HDAC11: variants seen among roughly 807,000 people sequenced by gnomAD.
HDAC11 encodes the protein histone deacetylase 11.
HDAC11 carries 23 observed loss-of-function variants against 41.1 expected under a neutral mutation model. The ratio of observed to expected loss-of-function variants is 0.56; its 90% CI spans 0.40 to 0.79. The LOEUF (loss-of-function observed/expected upper bound fraction) is 0.79, where lower values mean the gene tolerates loss of function less well. HDAC11 is among the 30% of genes least tolerant of loss of function. HDAC11 has a pLI of 0.00. For missense variants in HDAC11, 402 were observed against 477.3 expected (o/e 0.84, Z 1.47); for synonymous variants, 187 against 186.6 (o/e 1.00, Z -0.02).
chr3:13,502,991 G>T lies in HDAC11; in HGVS notation c.649+11G>T, dbSNP rs368614254. ...ACCGCTTTGCCAAGCGTAAGCTGCT[G>T]CCCCTACCCTCATCTTGGGTGTGTC... is the stretch of plus-strand genomic sequence containing the variant. On this transcript the variant is annotated intron_variant, in intron 8 of 9. Transcript: ENST00000295757. This position sits in a 1 kb window ranked among gnomAD's most constrained non-coding sequence, Gnocchi z 4.1. The T allele has an allele frequency of 1.1e-5, 18 of 1,601,782 alleles. No homozygotes were observed. The African/African-American group carries it at 2.3e-4, about 20-fold the overall frequency.
intron 5 of HDAC11, among the ~76,000 whole-genome samples, chr3:13,500,497 G>A (rs1379239524): frequency 6.6e-6 from 1 of 152,174 alleles, no homozygotes; most frequent in African/African-American, 2.4e-5. Context: ...GTGGCACTGA[G>A]GACTTGCTGG....
At chr3:13,486,571 G>GTTTTTTTT (rs767002835) in intron 3 of HDAC11, among the ~76,000 whole-genome samples, 2 of 83,064 alleles carry the variant, frequency 2.4e-5, no homozygotes, top group African/African-American at 9.5e-5. Flanking sequence ...ATGTAGAGGT[G>GTTTTTTTT]TTTTTTTTTT....
chr3:13,505,867 G>A lies in HDAC11; in HGVS notation c.*1184G>A, dbSNP rs1702599381. On this transcript the variant is annotated 3_prime_UTR_variant, in exon 10 of 10. Transcript: ENST00000295757. The stretch of plus-strand genomic sequence containing the variant: ...GACATTCAGGGACCTCCAGGAAGTG[G>A]GCGGGGGAGCATCCACCCCTGCTAG... 6.6e-6 allele frequency: 1 copy of A among 152,342 alleles called. No homozygotes were observed. Among genetic ancestry groups the A allele is most frequent in the Non-Finnish European group, 1.5e-5 (1 of 68,128 alleles). The allele number at this position is 152,342 out of a possible 1,614,324, so 9.4% of individuals were successfully genotyped here.
intron 5 of HDAC11, among the ~76,000 whole-genome samples, chr3:13,498,807 TC>T (rs373963911): frequency 1.9e-3 from 296 of 152,200 alleles, no homozygotes; most frequent in African/African-American, 6.8e-3. Context: ...CCCGGGTGGT[TC>T]CCCAGCCCCC....
At chr3:13,483,704 C>T (rs1463497668) in intron 3 of HDAC11, 140 bp downstream of exon 3, 1 of 661,020 alleles carries the variant, frequency 1.5e-6, no homozygotes, top group African/African-American at 1.8e-5. Context: ...GTTGGAGGAA[C>T]ATGGGAGTCT....
At chr3:13,489,998 CTT>C (rs144558733) in intron 3 of HDAC11, among the ~76,000 whole-genome samples, 9 of 145,088 alleles carry the variant, frequency 6.2e-5, no homozygotes, top group Non-Finnish European at 7.6e-5. Flanking sequence ...CAACTTTGTT[CTT>C]TTTTTTTTTT....
At chr3:13,498,383 T>G (rs1336836324) in intron 4 of HDAC11, 130 bp from the exon 5 acceptor site, 1 of 1,160,894 alleles carries the variant, frequency 8.6e-7, no homozygotes, top group Non-Finnish European at 1.3e-6. Context: ...TACCCCTGCC[T>G]TGTAGCTCAG....
At chr3:13,499,353 G>A (rs545072259) in intron 5 of HDAC11, among the ~76,000 whole-genome samples, 24 of 152,260 alleles carry the variant, frequency 1.6e-4, no homozygotes, top group African/African-American at 5.5e-4. Context: ...ATTTTTAGTA[G>A]AGACAGGGTT....
At chr3:13,496,897 C>T (rs781568603) in intron 4 of HDAC11, 45 bp downstream of exon 4, 1 of 1,096,156 alleles carries the variant, frequency 9.1e-7, no homozygotes, top group Admixed American at 2.7e-5. Flanking sequence ...GCCCCCACAC[C>T]CCAGGGTCCT....
At chr3:13,496,679 C>A in intron 3 of HDAC11, 57 bp from the exon 4 acceptor site, 1 of 1,168,646 alleles carries the variant, frequency 8.6e-7, no homozygotes, top group South Asian at 1.3e-5. Context: ...ACCAATTTCT[C>A]ACGGGTTGCC....
intron 3 of HDAC11, among the ~76,000 whole-genome samples, chr3:13,485,677 A>G (rs931389837): frequency 6.6e-6 from 1 of 152,216 alleles, no homozygotes. Flanking sequence ...AGTCCTAGCT[A>G]CTTGGGAGCC....
intron 3 of HDAC11, among the ~76,000 whole-genome samples, chr3:13,488,110 G>A (rs551537922): frequency 7.6e-4 from 115 of 151,904 alleles, no homozygotes; most frequent in African/African-American, 2.7e-3. Flanking sequence ...TTCCAGTATA[G>A]TGTGGAGAGA....
rs1431280268 is a variant in HDAC11 at position 13,498,518 on chromosome 3, G to A, written c.375G>A (p.Gly125=). ...CCCTCTGCTTGTCTCCAAAGGCGGG[G>A]AAGCTGGCTGTGGAGCGAGGCTGGG... is the stretch of plus-strand genomic sequence containing the variant. ...RTQTGGTIMA[G]KLAVERGWAI... Residue 125 remains glycine (G), a synonymous_variant, in exon 5 of 10, where the codon GGG becomes GGA. Coordinates refer to ENST00000295757, the MANE Select transcript of HDAC11 (RefSeq NM_024827.4). The A allele has an allele frequency of 6.2e-7, 1 of 1,613,530 alleles. No individual in the cohort carries two copies. Among genetic ancestry groups the A allele is most frequent in the Non-Finnish European group, 8.5e-7 (1 of 1,179,786 alleles).
intron 5 of HDAC11, 76 bp downstream of exon 5, chr3:13,498,631 C>T (rs373878594): frequency 3.8e-6 from 2 of 531,906 alleles, no homozygotes; most frequent in Non-Finnish European, 7.5e-6. Context: ...TGGGGGAGGG[C>T]GGGAGGATCC....
At chr3:13,486,391 A>G (rs1030497799) in intron 3 of HDAC11, among the ~76,000 whole-genome samples, 10 of 151,694 alleles carry the variant, frequency 6.6e-5, no homozygotes, top group Non-Finnish European at 1.3e-4. Context: ...ATGGATTTGC[A>G]TTTGAGTCGT....
At chr3:13,485,751 C>T (rs2125000315) in intron 3 of HDAC11, among the ~76,000 whole-genome samples, 1 of 152,206 alleles carries the variant, frequency 6.6e-6, no homozygotes. Context: ...CACCACTGCA[C>T]TCCAGCTGGT....
chr3:13,480,942 A>G lies in HDAC11; in HGVS notation c.3-304A>G. ...ATGCGCGGAGGCCTTGCAGCCAGAC[A>G]CACCTGAGTGCACGCCTGCTTCTCC... On this transcript the variant is annotated intron_variant, in intron 1 of 9. Coordinates refer to ENST00000295757, the MANE Select transcript of HDAC11 (RefSeq NM_024827.4). This position sits in a 1 kb window ranked among gnomAD's most constrained non-coding sequence, Gnocchi z 4.6. 2.1e-6 allele frequency: 1 copy of G among 472,470 alleles called. No individual in the cohort carries two copies. The highest frequency in any genetic ancestry group is 3.9e-6 in the Non-Finnish European group (1 of 253,628). The allele number at this position is 472,470 out of a possible 1,614,324, so 29.3% of individuals were successfully genotyped here.
intron 3 of HDAC11, among the ~76,000 whole-genome samples, chr3:13,495,065 A>G (rs1702034189): frequency 6.6e-6 from 1 of 151,838 alleles, no homozygotes; most frequent in African/African-American, 2.4e-5. Context: ...GGTGAACGCA[A>G]TGGCCACACT....
chr3:13,492,269 G>A (rs1478570260), intron 3 of HDAC11, among the ~76,000 whole-genome samples: 1 of 152,228 alleles, frequency 6.6e-6, no homozygotes, highest in East Asian at 1.9e-4. Context: ...GCTCTCCTGG[G>A]ATGATGCAGG....
Sources: gnomAD v4.1 joint callset for allele counts (sites outside exome capture counted in the v4.1 genomes callset) on GRCh38, gnomAD v4.1.1 for gene constraint, Gnocchi (gnomAD v3.1) non-coding constraint, MANE v1.5 for transcripts, NCBI Gene and HGNC (gene_info 2026-07-23, HGNC 2026-07-21) for gene names.